The following ZBTB49 variants were observed in gnomAD, a reference collection of about 807,000 sequenced individuals.
The protein encoded by ZBTB49 is zinc finger and BTB domain-containing protein 49.
ZBTB49 carries 43 observed loss-of-function variants against 57.5 expected under a neutral mutation model. The observed-to-expected ratio is 0.75, with a 90% CI of 0.59 to 0.97. The LOEUF is 0.97. Ranked by LOEUF, ZBTB49 falls within the 50% of genes least tolerant of loss-of-function variation. The pLI, the probability that ZBTB49 is intolerant of heterozygous loss-of-function variation, is 0.00. For synonymous variants in ZBTB49, 369 were observed against 362.1 expected, an observed-to-expected ratio of 1.02 and a Z score of -0.22; for missense variants, 938 against 947.7, an observed-to-expected ratio of 0.99 and a Z score of 0.13.
At chr4:4,315,777 C>T (rs1343741461) in intron 6 of ZBTB49, 32 bp from the exon 7 acceptor site, 3 of 1,613,792 alleles carry the variant, frequency 1.9e-6, no homozygotes, top group East Asian at 2.2e-5. Context: ...GTTCTCTGTC[C>T]TTCAGCTTAA....
At chr4:4,303,780 C>A (rs1195983229) in intron 3 of ZBTB49, among the ~76,000 whole-genome samples, 2 of 67,138 alleles carry the variant, frequency 3.0e-5, no homozygotes, top group African/African-American at 1.1e-4. Context: ...GTCTCTCTCT[C>A]TCTCTATATA....
At chr4:4,292,406 G>T (rs1719988593) in intron 1 of ZBTB49, among the ~76,000 whole-genome samples, 1 of 152,180 alleles carries the variant, frequency 6.6e-6, no homozygotes, top group South Asian at 2.1e-4. Context: ...AGTGCCTAGC[G>T]CATAATGGGC....
At chr4:4,307,904 C>T (rs1000312132) in intron 4 of ZBTB49, among the ~76,000 whole-genome samples, 3 of 152,058 alleles carry the variant, frequency 2.0e-5, no homozygotes, top group African/African-American at 7.2e-5. Flanking sequence ...AGTAGAAGTT[C>T]CATCCTTCTC....
chr4:4,318,458 A>G (rs1721275955), intron 7 of ZBTB49, among the ~76,000 whole-genome samples: 1 of 152,182 alleles, frequency 6.6e-6, no homozygotes, highest in African/African-American at 2.4e-5. Flanking sequence ...TCTACTAAAA[A>G]TACCAAAATT....
chr4:4,303,131 A>G, intron 3 of ZBTB49, 40 bp downstream of exon 3: 1 of 1,523,210 alleles, frequency 6.6e-7, no homozygotes, highest in Non-Finnish European at 8.8e-7. Context: ...GGAAGGACGT[A>G]ATGCGGATGC....
intron 4 of ZBTB49, among the ~76,000 whole-genome samples, chr4:4,307,207 C>T (rs1350853232): frequency 1.3e-5 from 2 of 152,230 alleles, no homozygotes; most frequent in Admixed American, 6.5e-5. Context: ...CTGAGCACTT[C>T]ATTTCTCTGG....
At chr4:4,301,940 G>T (rs1248528412) in intron 2 of ZBTB49, 49 bp from the exon 3 acceptor site, 1 of 1,414,964 alleles carries the variant, frequency 7.1e-7, no homozygotes, top group South Asian at 2.0e-5. Flanking sequence ...ATAAGAAAAA[G>T]ATGGTGTGAA....
At chr4:4,293,388 A>G (rs973183041) in intron 1 of ZBTB49, among the ~76,000 whole-genome samples, 2 of 152,254 alleles carry the variant, frequency 1.3e-5, no homozygotes, top group African/African-American at 2.4e-5. Context: ...ACAATCAGGC[A>G]TAGGCAGTAG....
At chr4:4,306,318 A>G in intron 4 of ZBTB49, 134 bp downstream of exon 4, 1 of 731,798 alleles carries the variant, frequency 1.4e-6, no homozygotes, top group Non-Finnish European at 2.3e-6. Context: ...TTCAGAATAA[A>G]TTAGGATAAA....
chr4:4,308,237 C>G (rs1191469643), intron 4 of ZBTB49, among the ~76,000 whole-genome samples: 1 of 152,116 alleles, frequency 6.6e-6, no homozygotes, highest in East Asian at 1.9e-4. Flanking sequence ...TCCACCACGC[C>G]CAGCTCAGTT....
rs528540009 is a variant in ZBTB49, at chr4:4,321,529, G to A, written c.*213G>A. On this transcript the variant is annotated 3_prime_UTR_variant, in exon 8 of 8. Transcript: ENST00000337872. ...CTCACCGTGAGGCAGCCGCGGGAGGGAGCGCTGACGTCACAGAAGCGAAGG... is the reference window on the plus strand; with the variant it reads ...CTCACCGTGAGGCAGCCGCGGGAGGAAGCGCTGACGTCACAGAAGCGAAGG... 64 of 589,762 alleles carry A rather than the reference G, an allele frequency of 1.1e-4. No homozygotes were observed. In the African/African-American group the frequency reaches 1.2e-3, roughly 11 times the overall value. The allele number at this position is 589,762 out of a possible 1,614,324, so 36.5% of individuals were successfully genotyped here.
intron 4 of ZBTB49, among the ~76,000 whole-genome samples, chr4:4,307,161 C>T (rs938328764): frequency 2.6e-5 from 4 of 152,234 alleles, no homozygotes; most frequent in African/African-American, 7.2e-5. Flanking sequence ...AAGTCCTCGC[C>T]GTCTCTCATC....
At chr4:4,315,291 T>C (rs1171840064) in intron 5 of ZBTB49, among the ~76,000 whole-genome samples, 1 of 152,174 alleles carries the variant, frequency 6.6e-6, no homozygotes, top group Non-Finnish European at 1.5e-5. Flanking sequence ...GGCATTTGGC[T>C]CTGAACTGGG....
rs1577252688 is a variant in ZBTB49 at position 4,321,390 on chromosome 4, G to C, written c.*74G>C. On this transcript the variant is annotated 3_prime_UTR_variant, in exon 8 of 8. Coordinates refer to ENST00000337872, the MANE Select transcript of ZBTB49 (RefSeq NM_145291.4). ...GGTGTTAAGGCTGTAGGAGGACCCA[G>C]TTTCCCCATGACAGTGCCTTCTAAC... 1 of 1,489,452 alleles carries C rather than the reference G, an allele frequency of 6.7e-7. No individual in the cohort carries two copies. The highest frequency in any genetic ancestry group is 9.1e-7 in the Non-Finnish European group (1 of 1,096,846). The allele number at this position is 1,489,452 out of a possible 1,614,324, so 92.3% of individuals were successfully genotyped here.
At chr4:4,292,814 G>A (rs1302588875) in intron 1 of ZBTB49, among the ~76,000 whole-genome samples, 1 of 152,292 alleles carries the variant, frequency 6.6e-6, no homozygotes, top group South Asian at 2.1e-4. Context: ...CTATCCAGTA[G>A]TATTTGACCT....
chr4:4,302,890 A>C lies in ZBTB49; in HGVS notation c.1054A>C (p.Ser352Arg). ...TACCCTAGAGAAAGCTAGCAGCCAA[A>C]GTGCTGAAGAAAAAGAAAGTGAAGA... is the stretch of plus-strand genomic sequence containing the variant. ...KNTLEKASSQSAEEKESEEVV... is the reference protein window; with the variant it reads ...KNTLEKASSQRAEEKESEEVV... Residue 352 changes from serine (S) to arginine (R), a missense_variant, in exon 3 of 8, where the codon AGT becomes CGT. Around this residue, in one of 3 missense-constraint regions of ZBTB49, gnomAD observed 835 missense variants for 819.1 expected, o/e 1.02. Transcript: ENST00000337872. The C allele has an allele frequency of 6.2e-7, 1 of 1,614,092 alleles. No individual in the cohort carries two copies. The highest frequency in any genetic ancestry group is 8.5e-7 in the Non-Finnish European group (1 of 1,179,952).
rs569101573 is a variant in ZBTB49 at position 4,312,988 on chromosome 4, A to T, written c.1303-53A>T. Reference sequence around the variant, plus strand: ...TTTTCCTTTTGAATTTATATAATTTAAAAAACCAAAAACTTTCATTATTGG... The same window carrying T: ...TTTTCCTTTTGAATTTATATAATTTTAAAAACCAAAAACTTTCATTATTGG... On this transcript the variant is annotated intron_variant, in intron 4 of 7. Coordinates refer to ENST00000337872, the MANE Select transcript of ZBTB49 (RefSeq NM_145291.4). 4.4e-4 allele frequency: 706 copies of T among 1,591,254 alleles called. 5 individuals carry two copies. The African/African-American group carries it at 7.7e-3, about 17-fold the overall frequency.
intron 5 of ZBTB49, among the ~76,000 whole-genome samples, chr4:4,315,016 C>G: frequency 6.6e-6 from 1 of 152,228 alleles, no homozygotes; most frequent in South Asian, 2.1e-4. Context: ...AGGCGTAAGT[C>G]TCTGTTGTGG....
intron 3 of ZBTB49, among the ~76,000 whole-genome samples, chr4:4,304,519 G>A (rs1319789823): frequency 1.6e-5 from 2 of 124,036 alleles, no homozygotes; most frequent in East Asian, 2.3e-4. Context: ...CGCTTGGCCC[G>A]ATGGCTGTAA....
Sources: allele counts gnomAD v4.1 joint callset (sites outside exome capture counted in the v4.1 genomes callset), GRCh38; gene constraint gnomAD v4.1.1; regional missense constraint gnomAD v4.1.1; transcripts MANE v1.5; gene names NCBI Gene and HGNC (gene_info 2026-07-23, HGNC 2026-07-21).